N4BP2L1: variants seen among roughly 807,000 people sequenced by gnomAD.
The protein encoded by N4BP2L1 is NEDD4-binding protein 2-like 1.
In N4BP2L1, 12 loss-of-function variants were observed where a neutral mutation model predicts 21.2. That is an observed-to-expected ratio of 0.57 (90% CI 0.36 to 0.92). The LOEUF (loss-of-function observed/expected upper bound fraction) is 0.92, where lower values mean the gene tolerates loss of function less well. Among genes scored for constraint, N4BP2L1 ranks in the 40% least tolerant of loss-of-function variants. The pLI is 0.01. For synonymous variants in N4BP2L1, 104 were observed against 112.8 expected (o/e 0.92, Z 0.49); for missense variants, 259 against 310.6 (o/e 0.83, Z 1.25).
At chr13:32,419,474 G>A (rs2074352268) in intron 1 of N4BP2L1, 3 of 301,770 alleles carry the variant, frequency 9.9e-6, no homozygotes, top group Non-Finnish European at 1.8e-5. Context: ...GTTTCACTAT[G>A]TTGGCTAGGC....
upstream of N4BP2L1, chr13:32,428,412 C>G (rs1226764318): frequency 4.9e-6 from 1 of 204,962 alleles, no homozygotes; most frequent in East Asian, 1.0e-4. Flanking sequence ...GACACTTCCC[C>G]GGCCTGGAAG....
At chr13:32,420,782 C>T (rs1345397080) in intron 1 of N4BP2L1, among the ~76,000 whole-genome samples, 2 of 152,188 alleles carry the variant, frequency 1.3e-5, no homozygotes, top group African/African-American at 4.8e-5. Context: ...CAACTTCCAC[C>T]TCCCAGGTTC....
chr13:32,428,530 G>T (rs1202004380), upstream of N4BP2L1, among the ~76,000 whole-genome samples: 2 of 152,190 alleles, frequency 1.3e-5, no homozygotes, highest in African/African-American at 4.8e-5. Flanking sequence ...ATTGTAAATG[G>T]CAACAGTAAA....
chr13:32,418,581 C>G (rs188043942), intron 1 of N4BP2L1, among the ~76,000 whole-genome samples: 1 of 152,306 alleles, frequency 6.6e-6, no homozygotes, highest in Admixed American at 6.5e-5. Context: ...GCCCACCAGA[C>G]CCCAGAATGG....
intron 1 of N4BP2L1, chr13:32,416,809 T>G (rs979792104): frequency 6.6e-6 from 1 of 152,226 alleles, no homozygotes; most frequent in Non-Finnish European, 1.5e-5. Flanking sequence ...AACTCTTTTT[T>G]TTTTGTTCCC....
chr13:32,409,706 G>A (rs1401927910), intron 1 of N4BP2L1, among the ~76,000 whole-genome samples: 3 of 152,140 alleles, frequency 2.0e-5, no homozygotes, highest in Non-Finnish European at 4.4e-5. Flanking sequence ...ATGCAAAGGA[G>A]TGATGCAAGT....
intron 4 of N4BP2L1, chr13:32,403,831 A>C (rs1349620906): frequency 2.1e-6 from 1 of 484,024 alleles, no homozygotes. Flanking sequence ...ATTTTAAGTC[A>C]ATGACATTAT....
chr13:32,418,007 A>C (rs1593288314), intron 1 of N4BP2L1, among the ~76,000 whole-genome samples: 2 of 152,238 alleles, frequency 1.3e-5, no homozygotes, highest in Non-Finnish European at 2.9e-5. Context: ...GATAGAAAAG[A>C]AAGCCCCATT....
intron 1 of N4BP2L1, chr13:32,415,840 C>G (rs2074107119): frequency 1.3e-5 from 2 of 152,204 alleles, no homozygotes; most frequent in Admixed American, 1.3e-4. Flanking sequence ...AACCAACCCC[C>G]ACTTTAACTC....
rs1281480312 is a variant in N4BP2L1 at position 32,402,581 on chromosome 13, A to G, written c.*361T>C. 4.0e-6 allele frequency: 4 copies of G among 998,846 alleles called. No homozygotes were observed. Among genetic ancestry groups the G allele is most frequent in the African/African-American group, 1.7e-5 (1 of 57,782 alleles). The allele number at this position is 998,846 out of a possible 1,614,324, so 61.9% of individuals were successfully genotyped here. ...CGATGGAGATGAATTTCCTGAAAAA[A>G]TAAATAGATCACTTCAGAGCAAATG... On this transcript the variant is annotated 3_prime_UTR_variant, in exon 5 of 5. Coordinates refer to ENST00000380130, the MANE Select transcript of N4BP2L1 (RefSeq NM_052818.3).
Position 32,426,043 on chromosome 13 carries a change from A to C in N4BP2L1, c.179+1861T>G, listed in dbSNP as rs546889952. 3.3e-5 allele frequency: 5 copies of C among 152,286 alleles called. No individual in the cohort carries two copies. In the South Asian group the frequency reaches 1.0e-3, roughly 32 times the overall value. The allele number at this position is 152,286 out of a possible 1,614,324, so 9.4% of individuals were successfully genotyped here. ...ATGTCAATCAGGAATTAAAATCCTA[A>C]AAGTGCAGAATGTTAGAGCCAGAAA... On this transcript the variant is annotated intron_variant, in intron 1 of 4. Transcript: ENST00000380130.
intron 1 of N4BP2L1, among the ~76,000 whole-genome samples, chr13:32,421,903 G>A (rs1459344307): frequency 2.6e-5 from 4 of 152,092 alleles, no homozygotes; most frequent in East Asian, 1.9e-4. Context: ...GGCCATAGGC[G>A]GGTGCTATTA....
intron 1 of N4BP2L1, 31 bp from the exon 2 acceptor site, chr13:32,407,803 GT>G: frequency 6.5e-7 from 1 of 1,545,674 alleles, no homozygotes; most frequent in Non-Finnish European, 8.7e-7. Context: ...AGAGAGAGAT[GT>G]TTTAAATATA....
chr13:32,417,818 G>C (rs1164729681), intron 1 of N4BP2L1, among the ~76,000 whole-genome samples: 2 of 152,198 alleles, frequency 1.3e-5, no homozygotes, highest in East Asian at 3.8e-4. Flanking sequence ...CTGGAGTAAA[G>C]GTCACTCTTG....
intron 1 of N4BP2L1, chr13:32,411,488 A>G: frequency 1.0e-6 from 1 of 982,438 alleles, no homozygotes; most frequent in Non-Finnish European, 1.2e-6. Context: ...TTAAATAGAC[A>G]ATCTTGAGAT....
chr13:32,418,379 T>A (rs557049818), intron 1 of N4BP2L1, among the ~76,000 whole-genome samples: 36 of 152,342 alleles, frequency 2.4e-4, no homozygotes, highest in Admixed American at 4.6e-4. Context: ...TAACTGAGGT[T>A]TGGGAACCTC....
At chr13:32,404,512 G>A in intron 3 of N4BP2L1, 115 bp from the exon 4 acceptor site, 3 of 696,352 alleles carry the variant, frequency 4.3e-6, no homozygotes, top group Non-Finnish European at 7.3e-6. Flanking sequence ...TGTTTTACCA[G>A]TAATCCAATG....
rs888032833 is a variant in N4BP2L1, at chr13:32,425,648, G to A, written c.179+2256C>T. On this transcript the variant is annotated intron_variant, in intron 1 of 4. Coordinates refer to ENST00000380130, the MANE Select transcript of N4BP2L1 (RefSeq NM_052818.3). ...ACAGAAAAGGAAACCGAGGCACAGA[G>A]GGGTTGGGTGAAAAGCAAAACTAGT... The A allele has an allele frequency of 9.9e-5, 15 of 152,276 alleles. 1 individual carries two copies. Among genetic ancestry groups the A allele is most frequent in the South Asian group, 2.1e-4 (1 of 4,830 alleles). 9.4% of individuals were successfully genotyped at this position (152,276 alleles called of 1,614,324 possible).
chr13:32,407,440 C>T, intron 2 of N4BP2L1, 102 bp from the exon 3 acceptor site: 1 of 1,597,470 alleles, frequency 6.3e-7, no homozygotes, highest in Non-Finnish European at 8.5e-7. Context: ...CCCTCATCTC[C>T]TCATCACACA....
Sources: allele counts gnomAD v4.1 joint callset (sites outside exome capture counted in the v4.1 genomes callset), GRCh38; gene constraint gnomAD v4.1.1; transcripts MANE v1.5; gene names NCBI Gene and HGNC (gene_info 2026-07-23, HGNC 2026-07-21).